KNG1: variants seen among roughly 807,000 people sequenced by gnomAD.
The protein encoded by KNG1 is kininogen 1.
Under a neutral mutation model 47.8 loss-of-function variants are expected in KNG1, and 23 were observed. The observed-to-expected ratio is 0.48, with a 90% CI of 0.35 to 0.68. The LOEUF (loss-of-function observed/expected upper bound fraction) is 0.68. KNG1 is among the 30% of genes least tolerant of loss of function. The pLI, the probability that KNG1 is intolerant of heterozygous loss-of-function variation, is 0.01. For missense variants in KNG1, 762 were observed against 790.2 expected (o/e 0.96, Z 0.43); for synonymous variants, 277 against 277.0 (o/e 1.00, Z 0.00).
intron 5 of KNG1, among the ~76,000 whole-genome samples, chr3:186,730,124 T>G (rs1250509316): frequency 6.6e-6 from 1 of 151,012 alleles, no homozygotes. Flanking sequence ...TCTAATAACA[T>G]TATATGGAAT....
chr3:186,742,901 A>G lies in KNG1; in HGVS notation c.*570A>G. On this transcript the variant is annotated 3_prime_UTR_variant, in exon 10 of 10. Transcript: ENST00000644859. ...ATTCTGTCTCAGAAAAAAAGAAAAA[A>G]AAAGAAATAATAAGAAAAACTTCCA... The G allele has an allele frequency of 1.0e-6, 1 of 979,074 alleles. No individual in the cohort carries two copies. Among genetic ancestry groups the G allele is most frequent in the African/African-American group, 1.7e-5 (1 of 57,218 alleles). 60.6% of individuals were successfully genotyped at this position (979,074 alleles called of 1,614,324 possible).
chr3:186,739,451 T>A (rs779099225), intron 9 of KNG1, 37 bp downstream of exon 9: 3 of 1,344,798 alleles, frequency 2.2e-6, no homozygotes, highest in Non-Finnish European at 3.2e-6. Flanking sequence ...GGGTCAGTTC[T>A]GCTCATTCTG....
chr3:186,732,701 T>C, intron 7 of KNG1, 27 bp downstream of exon 7: 1 of 1,582,124 alleles, frequency 6.3e-7, no homozygotes, highest in Non-Finnish European at 8.7e-7. Context: ...ACAAAAGCAG[T>C]AACACTATAG....
chr3:186,721,146 C>A (rs1624230), intron 2 of KNG1: 64,201 of 151,800 alleles, frequency 0.42, 13,955 homozygotes, highest in South Asian at 0.61. Context: ...CAGAAGCAAG[C>A]CTCTCTTTTC....
rs71167003 is a variant in KNG1 at position 186,725,543 on chromosome 3, A to ATTTTTTTTTTTTTTTTTTTTTTTT, written c.564+302_564+303insTTTTTTTTTTTTTTTTTTTTTTTT. On this transcript the variant is annotated intron_variant, in intron 4 of 9. Transcript: ENST00000644859. ...AAGGAAAAGTCATACCGGCCTTAGG[A>ATTTTTTTTTTTTTTTTTTTTTTTT]TTTTTTTTTTTTTTTTTTTGAGACA... is the stretch of plus-strand genomic sequence containing the variant. Among the ~76,000 whole-genome samples, 28 of 87,720 alleles carry ATTTTTTTTTTTTTTTTTTTTTTTT rather than the reference A, an allele frequency of 3.2e-4. 5 individuals are homozygous for ATTTTTTTTTTTTTTTTTTTTTTTT. The highest frequency in any genetic ancestry group is 4.2e-4 in the African/African-American group (9 of 21,498). 57.5% of individuals were successfully genotyped at this position (87,720 alleles called of 152,430 possible). A position where few individuals can be genotyped will look rare whatever the true frequency, so the allele number is the denominator to read the frequency against.
chr3:186,742,972 A>C lies in KNG1; in HGVS notation c.*641A>C. On this transcript the variant is annotated 3_prime_UTR_variant, in exon 10 of 10. Coordinates refer to ENST00000644859, the MANE Select transcript of KNG1 (RefSeq NM_001102416.3). ...GAAGACAGGTTGGCCAAAGGGAGGA[A>C]AGGGGGGACATAAATTAATTGACTT... 1 of 983,342 alleles carries C rather than the reference A, an allele frequency of 1.0e-6. No homozygotes were observed. The highest frequency in any genetic ancestry group is 4.7e-5 in the South Asian group (1 of 21,228). 60.9% of individuals were successfully genotyped at this position (983,342 alleles called of 1,614,324 possible).
intron 7 of KNG1, among the ~76,000 whole-genome samples, chr3:186,737,495 C>T (rs1720698379): frequency 1.3e-5 from 2 of 152,066 alleles, no homozygotes; most frequent in Admixed American, 1.3e-4. Flanking sequence ...AAAGGCCTTC[C>T]TCATCCTGGG....
intron 2 of KNG1, chr3:186,720,454 C>T (rs1184039154): frequency 1.9e-6 from 1 of 540,340 alleles, no homozygotes; most frequent in African/African-American, 1.9e-5. Flanking sequence ...GCTCTAGTGT[C>T]CAGCCAGAAC....
chr3:186,730,392 G>A (rs376269870), intron 5 of KNG1, among the ~76,000 whole-genome samples: 21 of 151,558 alleles, frequency 1.4e-4, no homozygotes, highest in Admixed American at 1.2e-3. Flanking sequence ...GGCCGGGCAC[G>A]GTAGCTCATG....
chr3:186,737,451 C>G (rs1347335670), intron 7 of KNG1, among the ~76,000 whole-genome samples: 1 of 152,064 alleles, frequency 6.6e-6, no homozygotes, highest in Non-Finnish European at 1.5e-5. Flanking sequence ...TTTTCCCCTT[C>G]CTTCAGATTT....
In KNG1 at chr3:186,720,085, T is replaced by C. The variant is rs925417792; in HGVS notation, c.196-20T>C. ...TTGGGTCAGTTGGATGAACCCTAAG[T>C]ATCTTTGGCTGCTTTTCAGGTTGGC... On this transcript the variant is annotated intron_variant, in intron 1 of 9. Coordinates refer to ENST00000644859, the MANE Select transcript of KNG1 (RefSeq NM_001102416.3). 6.6e-7 allele frequency: 1 copy of C among 1,526,166 alleles called. No individual in the cohort carries two copies. The highest frequency in any genetic ancestry group is 9.1e-7 in the Non-Finnish European group (1 of 1,099,762). 94.5% of individuals were successfully genotyped at this position (1,526,166 alleles called of 1,614,324 possible).
rs376870012 is a variant in KNG1, at chr3:186,739,145, C to T, written c.977C>T (p.Thr326Ile). 2.0e-5 allele frequency: 33 copies of T among 1,614,010 alleles called. No homozygotes were observed. Among genetic ancestry groups the T allele is most frequent in the African/African-American group, 2.7e-5 (2 of 74,922 alleles). The change falls in exon 8 of 10, where the codon ACC becomes ATC. Residue 326 changes from threonine to isoleucine, a missense_variant. Transcript: ENST00000644859. ...KYFIDFVARE[T>I]TCSKESNEEL... is the part of the protein sequence containing the mutation. The stretch of plus-strand genomic sequence containing the variant: ...TTTATTGACTTCGTGGCCAGGGAAA[C>T]CACATGTTCCAAGGAAAGTAATGAA...
chr3:186,739,142 A>G lies in KNG1; in HGVS notation c.974A>G (p.Glu325Gly), dbSNP rs775509057. Reference sequence around the variant, plus strand: ...TATTTTATTGACTTCGTGGCCAGGGAAACCACATGTTCCAAGGAAAGTAAT... The same window carrying G: ...TATTTTATTGACTTCGTGGCCAGGGGAACCACATGTTCCAAGGAAAGTAAT... ...KKYFIDFVAR[E>G]TTCSKESNEE... The change falls in exon 8 of 10, where the codon GAA becomes GGA. Residue 325 changes from glutamate (E) to glycine (G), a missense_variant. Coordinates refer to ENST00000644859, the MANE Select transcript of KNG1 (RefSeq NM_001102416.3). 1.2e-6 allele frequency: 2 copies of G among 1,614,202 alleles called. No homozygotes were observed. The highest frequency in any genetic ancestry group is 1.7e-6 in the Non-Finnish European group (2 of 1,180,030).
At position 186,742,385 on chromosome 3, in the gene KNG1, C is replaced by G; in HGVS notation, c.*54C>G. On this transcript the variant is annotated 3_prime_UTR_variant, in exon 10 of 10. Coordinates refer to ENST00000644859, the MANE Select transcript of KNG1 (RefSeq NM_001102416.3). ...ACTTTATTAAAGTATCAATATCCCT[C>G]TCTCCATTGTCCAGATGAAAATATC... 1 of 1,606,042 alleles carries G rather than the reference C, an allele frequency of 6.2e-7. No individual in the cohort carries two copies. Among genetic ancestry groups the G allele is most frequent in the East Asian group, 2.2e-5 (1 of 44,846 alleles).
chr3:186,742,366 T>A lies in KNG1; in HGVS notation c.*35T>A. The A allele has an allele frequency of 1.9e-6, 3 of 1,610,174 alleles. No individual in the cohort carries two copies. Among genetic ancestry groups the A allele is most frequent in the Non-Finnish European group, 2.5e-6 (3 of 1,179,224 alleles). On this transcript the variant is annotated 3_prime_UTR_variant, in exon 10 of 10. Coordinates refer to ENST00000644859, the MANE Select transcript of KNG1 (RefSeq NM_001102416.3). The stretch of plus-strand genomic sequence containing the variant: ...CTATGGGTATTTCTTTCATACTTTA[T>A]TAAAGTATCAATATCCCTCTCTCCA...
chr3:186,721,134 C>T (rs1207461169), intron 2 of KNG1: 1 of 152,068 alleles, frequency 6.6e-6, no homozygotes, highest in Non-Finnish European at 1.5e-5. Context: ...CAGTATCTGC[C>T]TCAGAAGCAA....
rs2108635874 is a variant in KNG1 at position 186,739,218 on chromosome 3, T to G, written c.1038+12T>G. On this transcript the variant is annotated intron_variant, in intron 8 of 9. Transcript: ENST00000644859. ...CCAAAAAACTTGGCGTGAGTAGTCA[T>G]GCACCTGTCTACTTTTTCACTGGAA... The G allele has an allele frequency of 6.3e-7, 1 of 1,598,590 alleles. No homozygotes were observed. The highest frequency in any genetic ancestry group is 1.3e-5 in the African/African-American group (1 of 74,732).
intron 5 of KNG1, among the ~76,000 whole-genome samples, chr3:186,729,620 G>A (rs1198112347): frequency 6.6e-6 from 1 of 151,474 alleles, no homozygotes; most frequent in Non-Finnish European, 1.5e-5. Flanking sequence ...AAAACACCTA[G>A]AATAGGCAAA....
chr3:186,731,488 T>C (rs1156300557), intron 5 of KNG1, 57 bp from the exon 6 acceptor site: 1 of 1,027,482 alleles, frequency 9.7e-7, no homozygotes, highest in African/African-American at 1.6e-5. Flanking sequence ...AGTTGTTTAC[T>C]TTTAAGACTC....
Sources: allele counts gnomAD v4.1 joint callset (sites outside exome capture counted in the v4.1 genomes callset), GRCh38; gene constraint gnomAD v4.1.1; transcripts MANE v1.5; gene names NCBI Gene and HGNC (gene_info 2026-07-23, HGNC 2026-07-21).